Variants in MED13L observed in about 807,000 individuals in gnomAD.
The protein encoded by MED13L is mediator complex subunit 13L.
Under a neutral mutation model 220.9 loss-of-function variants are expected in MED13L, and 7 were observed. The ratio of observed to expected loss-of-function variants is 0.03; its 90% CI spans 0.02 to 0.06. MED13L has a LOEUF of 0.06. Ranked by LOEUF, MED13L falls within the 10% of genes least tolerant of loss-of-function variation. The pLI is 1.00. For missense variants in MED13L, 1,965 were observed against 2,760.5 expected (o/e 0.71, Z 6.46); for synonymous variants, 1,011 against 1,015.2 (o/e 1.00, Z 0.08).
intron 2 of MED13L, chr12:116,174,700 T>C (rs1315073223): frequency 3.3e-5 from 5 of 152,188 alleles, no homozygotes; most frequent in African/African-American, 1.2e-4. Context: ...ATTACAAATT[T>C]AGCTTCTAGA....
intron 16 of MED13L, among the ~76,000 whole-genome samples, chr12:115,995,719 G>A (rs868165794): frequency 3.9e-5 from 6 of 152,096 alleles, no homozygotes; most frequent in Non-Finnish European, 5.9e-5. Flanking sequence ...CACCGCACCC[G>A]GCCCTAGCCT....
intron 2 of MED13L, among the ~76,000 whole-genome samples, chr12:116,115,156 G>C (rs1168089714): frequency 6.6e-6 from 1 of 152,116 alleles, no homozygotes. Context: ...CCGAGTTCTA[G>C]GTTTAGTATG....
chr12:116,132,018 C>G (rs1381695197), intron 2 of MED13L, among the ~76,000 whole-genome samples: 10 of 151,974 alleles, frequency 6.6e-5, no homozygotes, highest in Admixed American at 6.6e-4. Context: ...GTGGCTCATG[C>G]CTGTAATCCC....
Position 116,096,742 on chromosome 12 carries a change from C to T in MED13L, c.406G>A (p.Asp136Asn). ...TTCCCAATCCTAACGAAGTTCTTAT[C>T]CATTAGGCACCTAAAATAATTACAT... The part of the protein sequence containing the change: ...IHNLLERCLM[D>N]KNFVRIGKWF... The change falls in exon 4 of 31, where the codon GAT (aspartate) becomes AAT (asparagine). Residue 136 changes from aspartate to asparagine, a missense_variant. Coordinates refer to ENST00000281928, the MANE Select transcript of MED13L (RefSeq NM_015335.5). 1 of 1,613,050 alleles carries T rather than the reference C, an allele frequency of 6.2e-7. No individual in the cohort carries two copies. Among genetic ancestry groups the T allele is most frequent in the South Asian group, 1.1e-5 (1 of 91,062 alleles).
Position 116,022,448 on chromosome 12 carries a change from A to C in MED13L, c.625+8T>G. 1.9e-6 allele frequency: 3 copies of C among 1,613,566 alleles called. No homozygotes were observed. The highest frequency in any genetic ancestry group is 2.5e-6 in the Non-Finnish European group (3 of 1,179,704). The stretch of plus-strand genomic sequence containing the variant: ...ATAGGGGTGGAGAGCAGGAACACCC[A>C]TACTTACCTTGAAATGGTGCAGGTG... On this transcript the variant is annotated splice_region_variant and intron_variant, in intron 5 of 30. Transcript: ENST00000281928.
intron 2 of MED13L, among the ~76,000 whole-genome samples, chr12:116,202,958 G>A (rs1882095648): frequency 6.6e-6 from 1 of 152,150 alleles, no homozygotes; most frequent in South Asian, 2.1e-4. Context: ...GTTCTTACCA[G>A]AACTCAATAC....
At chr12:116,202,002 T>TA (rs1331260702) in intron 2 of MED13L, among the ~76,000 whole-genome samples, 1 of 152,230 alleles carries the variant, frequency 6.6e-6, no homozygotes, top group African/African-American at 2.4e-5. Flanking sequence ...GAAACTAAAC[T>TA]AGCTTTACAA....
At chr12:115,994,464 AAAAAAC>A (rs534564932) in intron 16 of MED13L, among the ~76,000 whole-genome samples, 7 of 152,172 alleles carry the variant, frequency 4.6e-5, no homozygotes, top group African/African-American at 9.6e-5. Context: ...AAACCCCCCC[AAAAAAC>A]AAAAACAAAA....
At chr12:116,153,748 CAG>C (rs1299736413) in intron 2 of MED13L, among the ~76,000 whole-genome samples, 2 of 152,104 alleles carry the variant, frequency 1.3e-5, no homozygotes, top group Non-Finnish European at 2.9e-5. Flanking sequence ...TGAAACCAAA[CAG>C]AAAAATCTTT....
chr12:116,010,248 A>G (rs1164529633), intron 9 of MED13L, among the ~76,000 whole-genome samples: 1 of 151,862 alleles, frequency 6.6e-6, no homozygotes, highest in Non-Finnish European at 1.5e-5. Context: ...AAAAACAAAC[A>G]CTCCTGAACT....
Position 115,975,217 on chromosome 12 carries a change from T to C in MED13L, c.5685A>G (p.Arg1895=), listed in dbSNP as rs574822982. ...GACGCCCAAGTCGCCCGATTACAACTCTCCAGGGTAGAGATGTCATTTGGA... is the reference window on the plus strand; with the variant it reads ...GACGCCCAAGTCGCCCGATTACAACCCTCCAGGGTAGAGATGTCATTTGGA... ...GIVQMTSLPW[R]VVIGRLGRLG... is the part of the protein sequence containing the mutation. Residue 1895 remains arginine (R), a synonymous_variant, in exon 25 of 31, where the codon AGA becomes AGG. Transcript: ENST00000281928. 1.9e-6 allele frequency: 3 copies of C among 1,614,110 alleles called. No homozygotes were observed. The highest frequency in any genetic ancestry group is 1.7e-6 in the Non-Finnish European group (2 of 1,180,018).
At chr12:116,003,945 CAA>C (rs959635390) in intron 13 of MED13L, among the ~76,000 whole-genome samples, 1 of 152,118 alleles carries the variant, frequency 6.6e-6, no homozygotes, top group Non-Finnish European at 1.5e-5. Flanking sequence ...CAGAGTAAAG[CAA>C]AAACACTCAG....
Position 115,982,282 on chromosome 12 carries a change from C to A in MED13L, c.5175+102G>T, listed in dbSNP as rs557815619. The A allele has an allele frequency of 1.4e-5, 18 of 1,242,912 alleles. No individual in the cohort carries two copies. In the South Asian group the frequency reaches 2.2e-4, roughly 15 times the overall value. The allele number at this position is 1,242,912 out of a possible 1,614,324, so 77.0% of individuals were successfully genotyped here. A position where few individuals can be genotyped will look rare whatever the true frequency, so the allele number is the denominator to read the frequency against. ...AGTATTTTGGTTAGGGGATAATTAA[C>A]CTGTACTTCCATTTTTTAAGAAAAA... On this transcript the variant is annotated intron_variant, in intron 22 of 30. Coordinates refer to ENST00000281928, the MANE Select transcript of MED13L (RefSeq NM_015335.5).
chr12:116,084,563 A>G (rs188429006), intron 4 of MED13L, among the ~76,000 whole-genome samples: 5 of 152,320 alleles, frequency 3.3e-5, no homozygotes, highest in Admixed American at 3.3e-4. Flanking sequence ...ACAACAAATC[A>G]TTAGCAGAAA....
intron 2 of MED13L, among the ~76,000 whole-genome samples, chr12:116,141,799 A>G (rs1019335331): frequency 2.0e-5 from 3 of 152,082 alleles, no homozygotes; most frequent in African/African-American, 7.2e-5. Flanking sequence ...TGGTTAAGTT[A>G]GCTCACTCAT....
Position 115,970,613 on chromosome 12 carries a change from A to G in MED13L, c.6048T>C (p.Asp2016=), listed in dbSNP as rs1176476865. ...ACTCACCATTGTTGGGGCTAAACCC[A>G]TCTTCATTGGGGTAGTTGGCTGGAG... ...QVAPANYPNE[D]GFSPNNDDMF... Residue 2016 remains aspartate (D), a synonymous_variant, in exon 27 of 31, where the codon GAT becomes GAC. Coordinates refer to ENST00000281928, the MANE Select transcript of MED13L (RefSeq NM_015335.5). The G allele has an allele frequency of 6.2e-7, 1 of 1,613,856 alleles. No homozygotes were observed. The highest frequency in any genetic ancestry group is 2.2e-5 in the East Asian group (1 of 44,866).
chr12:115,982,450 C>G lies in MED13L; in HGVS notation c.5109G>C (p.Leu1703Phe). The G allele has an allele frequency of 3.7e-6, 6 of 1,614,184 alleles. No homozygotes were observed. The highest frequency in any genetic ancestry group is 5.1e-6 in the Non-Finnish European group (6 of 1,180,022). ...CCAGCATTTCTGTGTAGCAGCGCAT[C>G]AAGCTCAACAGCCAAAAGTTCCCAG... is the stretch of plus-strand genomic sequence containing the variant. ...STSGNFWLLS[L>F]MRCYTEMLDN... The change falls in exon 22 of 31, where the codon TTG (leucine) becomes TTC (phenylalanine). Residue 1703 changes from leucine to phenylalanine, a missense_variant. Leu to Phe is a conservative substitution (Grantham distance 22, BLOSUM62 0). Coordinates refer to ENST00000281928, the MANE Select transcript of MED13L (RefSeq NM_015335.5).
In MED13L at chr12:116,169,429, T is replaced by C. The variant is rs530516680; in HGVS notation, c.311-57917A>G. ...GGAAATATAACTAATATAACATACA[T>C]AAATTTAGTGAGAAGAGGTACACTG... On this transcript the variant is annotated intron_variant, in intron 2 of 30. Coordinates refer to ENST00000281928, the MANE Select transcript of MED13L (RefSeq NM_015335.5). 6.0e-4 allele frequency among the ~76,000 whole-genome samples: 92 copies of C among 152,328 alleles called. 1 individual carries two copies. In the South Asian group the frequency reaches 0.018, roughly 31 times the overall value.
chr12:116,240,541 T>A (rs1051939901), intron 1 of MED13L, among the ~76,000 whole-genome samples: 42 of 151,616 alleles, frequency 2.8e-4, no homozygotes, highest in Middle Eastern at 3.5e-3. Flanking sequence ...ATTTTATTTT[T>A]TTTTTTTTGG....
Sources: gnomAD v4.1 joint callset for allele counts (sites outside exome capture counted in the v4.1 genomes callset) on GRCh38, gnomAD v4.1.1 for gene constraint, MANE v1.5 for transcripts, NCBI Gene and HGNC (gene_info 2026-07-23, HGNC 2026-07-21) for gene names.